The following CACNB2 variants were observed in gnomAD, a reference collection of about 807,000 sequenced individuals.
CACNB2 encodes calcium voltage-gated channel auxiliary subunit beta 2, also known as voltage-dependent L-type calcium channel subunit beta-2.
Under a neutral mutation model 73.3 loss-of-function variants are expected in CACNB2, and 42 were observed. That is an observed-to-expected ratio of 0.57 (90% CI 0.45 to 0.74). The LOEUF (loss-of-function observed/expected upper bound fraction) is 0.74. Ranked by LOEUF, CACNB2 falls within the 30% of genes least tolerant of loss-of-function variation. The pLI is 0.00. For missense variants in CACNB2, 940 were observed against 853.0 expected (o/e 1.10, Z -1.27); for synonymous variants, 348 against 310.3 (o/e 1.12, Z -1.28).
At chr10:18,320,416 CAT>C (rs1417656778) in intron 2 of CACNB2, among the ~76,000 whole-genome samples, 2 of 152,088 alleles carry the variant, frequency 1.3e-5, no homozygotes, top group Non-Finnish European at 2.9e-5. Flanking sequence ...AATGAGTGAA[CAT>C]ATATTTAATG....
chr10:18,424,132 C>T (rs573837076), intron 3 of CACNB2, among the ~76,000 whole-genome samples: 2 of 152,198 alleles, frequency 1.3e-5, no homozygotes, highest in Admixed American at 6.5e-5. Context: ...CCCCAGGCTA[C>T]CCTGATTCAG....
intron 2 of CACNB2, 45 bp downstream of exon 2, chr10:18,151,020 C>G: frequency 8.3e-7 from 1 of 1,208,346 alleles, no homozygotes; most frequent in Non-Finnish European, 1.2e-6. Context: ...CTTAAAATGA[C>G]TTTAGATTTT....
At chr10:18,464,216 C>T (rs548426264) in intron 3 of CACNB2, among the ~76,000 whole-genome samples, 2 of 150,692 alleles carry the variant, frequency 1.3e-5, no homozygotes, top group East Asian at 3.9e-4. Context: ...TCCTATCCCT[C>T]TGCATAACTT....
intron 11 of CACNB2, among the ~76,000 whole-genome samples, chr10:18,535,384 G>T (rs2053461702): frequency 6.6e-6 from 1 of 152,102 alleles, no homozygotes; most frequent in Non-Finnish European, 1.5e-5. Context: ...ATTGCAGCAG[G>T]TTGACTGTAG....
Position 18,498,217 on chromosome 10 carries a change from T to C in CACNB2, c.334-138T>C, listed in dbSNP as rs564625190. The C allele has an allele frequency of 4.1e-5, 41 of 1,005,424 alleles. No individual in the cohort carries two copies. In the African/African-American group the frequency reaches 5.4e-4, roughly 13 times the overall value. The allele number at this position is 1,005,424 out of a possible 1,614,324, so 62.3% of individuals were successfully genotyped here. The stretch of plus-strand genomic sequence containing the variant: ...GTGTTTTGAATACGAACAAGCTGTT[T>C]TGTGATAAAGAACCAGTGCAGAGGG... On this transcript the variant is annotated intron_variant, in intron 3 of 13. Coordinates refer to ENST00000324631, the MANE Select transcript of CACNB2 (RefSeq NM_201596.3).
At chr10:18,194,080 A>G (rs1271880463) in intron 2 of CACNB2, among the ~76,000 whole-genome samples, 2 of 152,106 alleles carry the variant, frequency 1.3e-5, no homozygotes, top group East Asian at 3.9e-4. Context: ...GGAGTTGAGT[A>G]TGAAGGATTC....
chr10:18,171,977 G>A (rs2131156883), intron 2 of CACNB2, among the ~76,000 whole-genome samples: 1 of 152,018 alleles, frequency 6.6e-6, no homozygotes, highest in Non-Finnish European at 1.5e-5. Context: ...TCCTCCTTTA[G>A]GCATATATCT....
chr10:18,515,456 A>G (rs1040592954), intron 7 of CACNB2, among the ~76,000 whole-genome samples: 29 of 152,314 alleles, frequency 1.9e-4, no homozygotes, highest in African/African-American at 6.5e-4. Context: ...AAATCTGTCT[A>G]TCCTCTGCCC....
chr10:18,187,426 G>A (rs2034203452), intron 2 of CACNB2, among the ~76,000 whole-genome samples: 2 of 152,296 alleles, frequency 1.3e-5, no homozygotes, highest in South Asian at 4.1e-4. Flanking sequence ...AAAATATGCT[G>A]TTATGTATCA....
intron 2 of CACNB2, among the ~76,000 whole-genome samples, chr10:18,378,050 A>C (rs1270560212): frequency 6.6e-6 from 1 of 152,072 alleles, no homozygotes; most frequent in East Asian, 1.9e-4. Context: ...CTTGTTGGGA[A>C]GGCATTATCA....
intron 2 of CACNB2, among the ~76,000 whole-genome samples, chr10:18,155,544 A>G (rs1441482302): frequency 6.6e-6 from 1 of 152,170 alleles, no homozygotes; most frequent in Non-Finnish European, 1.5e-5. Context: ...CCTTTCATAC[A>G]CATATGTATG....
At chr10:18,511,331 C>A (rs749344005) in intron 6 of CACNB2, among the ~76,000 whole-genome samples, 4 of 152,076 alleles carry the variant, frequency 2.6e-5, no homozygotes, top group Non-Finnish European at 5.9e-5. Flanking sequence ...CACAGGTTTC[C>A]TACCTCACCA....
intron 9 of CACNB2, chr10:18,519,602 C>T (rs1011882076): frequency 2.4e-6 from 1 of 421,660 alleles, no homozygotes; most frequent in Non-Finnish European, 4.7e-6. Flanking sequence ...TTGCTCTCTC[C>T]TCATGAGTAT....
intron 2 of CACNB2, among the ~76,000 whole-genome samples, chr10:18,358,805 C>T (rs1326041965): frequency 1.3e-5 from 2 of 152,086 alleles, no homozygotes; most frequent in Non-Finnish European, 2.9e-5. Context: ...AAATGAGAGC[C>T]TGAAAATAAA....
intron 3 of CACNB2, among the ~76,000 whole-genome samples, chr10:18,458,525 G>C (rs1422521375): frequency 6.6e-6 from 1 of 152,074 alleles, no homozygotes; most frequent in Non-Finnish European, 1.5e-5. Flanking sequence ...AATTACAACA[G>C]TATCATTTAG....
At chr10:18,412,343 T>A (rs1472875810) in intron 3 of CACNB2, among the ~76,000 whole-genome samples, 2 of 152,192 alleles carry the variant, frequency 1.3e-5, no homozygotes, top group African/African-American at 4.8e-5. Context: ...TTTTCTTCCT[T>A]ACCCCTTTGG....
intron 5 of CACNB2, among the ~76,000 whole-genome samples, chr10:18,502,903 C>G (rs549307923): frequency 1.3e-5 from 2 of 151,594 alleles, no homozygotes; most frequent in Non-Finnish European, 2.9e-5. Context: ...ACACCAAACC[C>G]CTGTGACATG....
chr10:18,166,810 G>A (rs987616353), intron 2 of CACNB2, among the ~76,000 whole-genome samples: 2 of 151,996 alleles, frequency 1.3e-5, no homozygotes, highest in Non-Finnish European at 2.9e-5. Context: ...CGAGTTAATG[G>A]GTGCAGCACA....
chr10:18,531,280 T>TATCA (rs1589722590), intron 10 of CACNB2, among the ~76,000 whole-genome samples: 3 of 152,324 alleles, frequency 2.0e-5, no homozygotes, highest in South Asian at 2.1e-4. Context: ...TTTAAGTTCC[T>TATCA]ATCACCCAGG....
Sources: allele counts gnomAD v4.1 joint callset (sites outside exome capture counted in the v4.1 genomes callset), GRCh38; gene constraint gnomAD v4.1.1; transcripts MANE v1.5; gene names NCBI Gene and HGNC (gene_info 2026-07-23, HGNC 2026-07-21).